LRBA: variants seen among roughly 807,000 people sequenced by gnomAD.
LRBA encodes lipopolysaccharide-responsive and beige-like anchor protein.
LRBA carries 176 observed loss-of-function variants against 330.0 expected under a neutral mutation model. The ratio of observed to expected loss-of-function variants is 0.53; its 90% CI spans 0.47 to 0.60. The LOEUF is 0.60. Among genes scored for constraint, LRBA ranks in the 20% least tolerant of loss-of-function variants. The pLI is 0.00. For synonymous variants in LRBA, 1,230 were observed against 1,193.0 expected, an observed-to-expected ratio of 1.03 and a Z score of -0.64; for missense variants, 3,259 against 3,444.8, an observed-to-expected ratio of 0.95 and a Z score of 1.35.
intron 43 of LRBA, 94 bp downstream of exon 43, chr4:150,471,530 A>C: frequency 2.4e-5 from 17 of 694,050 alleles, no homozygotes; most frequent in Non-Finnish European, 3.1e-5. Flanking sequence ...TAACGGCAAT[A>C]AAACAAGCTA....
chr4:150,642,902 GA>G (rs1466421072), intron 37 of LRBA, among the ~76,000 whole-genome samples: 1 of 151,804 alleles, frequency 6.6e-6, no homozygotes, highest in Non-Finnish European at 1.5e-5. Context: ...TAAAGCATTG[GA>G]ATAGAAAAAT....
intron 37 of LRBA, among the ~76,000 whole-genome samples, chr4:150,680,244 CT>C (rs1177254896): frequency 1.3e-5 from 2 of 152,144 alleles, no homozygotes; most frequent in African/African-American, 4.8e-5. Context: ...TTCCTGAAAT[CT>C]CTAAGCATTT....
At chr4:150,338,966 TACACACACAC>T (rs200463218) in intron 48 of LRBA, among the ~76,000 whole-genome samples, 47 of 148,730 alleles carry the variant, frequency 3.2e-4, no homozygotes, top group South Asian at 8.6e-4. Context: ...TATTTAATTA[TACACACACAC>T]ACACACACAC....
chr4:150,670,276 AGAGC>A (rs1399216621), intron 37 of LRBA, among the ~76,000 whole-genome samples: 10 of 152,240 alleles, frequency 6.6e-5, no homozygotes, highest in African/African-American at 2.2e-4. Context: ...ACTGTAAAGA[AGAGC>A]TGTCTCTTAC....
intron 2 of LRBA, among the ~76,000 whole-genome samples, chr4:151,009,706 C>T (rs1028689391): frequency 6.6e-5 from 10 of 151,636 alleles, no homozygotes; most frequent in African/African-American, 2.2e-4. Context: ...CAGAGCAAGG[C>T]GCGGTGGCTC....
At chr4:150,293,806 C>T (rs1369713678) in intron 53 of LRBA, among the ~76,000 whole-genome samples, 2 of 152,140 alleles carry the variant, frequency 1.3e-5, no homozygotes, top group Non-Finnish European at 1.5e-5. Context: ...CAAGACCAGC[C>T]CTCTGCTTCC....
chr4:150,346,335 G>C (rs1054817328), intron 48 of LRBA, among the ~76,000 whole-genome samples: 2 of 151,838 alleles, frequency 1.3e-5, no homozygotes, highest in African/African-American at 4.8e-5. Flanking sequence ...TGTGATGTGT[G>C]GAAGACTATC....
intron 53 of LRBA, among the ~76,000 whole-genome samples, chr4:150,286,518 T>C (rs1748143681): frequency 6.6e-6 from 1 of 152,074 alleles, no homozygotes; most frequent in African/African-American, 2.4e-5. Context: ...CTCTCTTAAA[T>C]ATGTATTCTC....
intron 44 of LRBA, among the ~76,000 whole-genome samples, chr4:150,446,479 C>T (rs374078700): frequency 3.9e-5 from 6 of 152,170 alleles, no homozygotes; most frequent in Admixed American, 1.3e-4. Context: ...ATGTTGATAA[C>T]GCTTTTGGAG....
chr4:150,446,521 A>T (rs1752636424), intron 44 of LRBA, among the ~76,000 whole-genome samples: 1 of 152,250 alleles, frequency 6.6e-6, no homozygotes. Context: ...ACTGACAGGC[A>T]GTTACATTGC....
At chr4:150,644,993 T>C (rs1778995398) in intron 37 of LRBA, among the ~76,000 whole-genome samples, 1 of 151,866 alleles carries the variant, frequency 6.6e-6, no homozygotes, top group African/African-American at 2.4e-5. Flanking sequence ...AGGAGTGTCA[T>C]GGTGAACTTC....
intron 2 of LRBA, among the ~76,000 whole-genome samples, chr4:151,004,880 G>A (rs1363904356): frequency 2.6e-5 from 4 of 152,156 alleles, no homozygotes; most frequent in South Asian, 2.1e-4. Flanking sequence ...CCAGCTACTC[G>A]GGAGGCTGAA....
intron 9 of LRBA, among the ~76,000 whole-genome samples, chr4:150,910,679 G>C (rs74582235): frequency 6.6e-6 from 1 of 152,046 alleles, no homozygotes; most frequent in Non-Finnish European, 1.5e-5. Flanking sequence ...ATTAATTTTA[G>C]AATTGTGCTT....
At chr4:150,789,849 T>TTC (rs1433860258) in intron 34 of LRBA, among the ~76,000 whole-genome samples, 1 of 152,162 alleles carries the variant, frequency 6.6e-6, no homozygotes, top group African/African-American at 2.4e-5. Context: ...CTGATCTGTA[T>TTC]TCTTTTTTTT....
chr4:150,315,521 A>G (rs1360056795), intron 51 of LRBA, 40 bp downstream of exon 51: 1 of 1,539,124 alleles, frequency 6.5e-7, no homozygotes, highest in Non-Finnish European at 9.0e-7. Flanking sequence ...GCCACCATAC[A>G]GAGCTTAATG....
intron 36 of LRBA, among the ~76,000 whole-genome samples, chr4:150,700,042 G>A (rs969989493): frequency 6.6e-6 from 1 of 152,086 alleles, no homozygotes; most frequent in African/African-American, 2.4e-5. Context: ...TTTCAGATTA[G>A]AGATATTCAA....
At position 150,265,742 on chromosome 4, in the gene LRBA, CATG is replaced by C. The variant is rs750697605; in HGVS notation, c.8536_8538del (p.His2846del). 1 of 1,613,370 alleles carries C rather than the reference CATG, an allele frequency of 6.2e-7. No homozygotes were observed. The highest frequency in any genetic ancestry group is 8.5e-7 in the Non-Finnish European group (1 of 1,179,356). On this transcript the variant is annotated inframe_deletion, in exon 57 of 57. Coordinates refer to ENST00000651943, the MANE Select transcript of LRBA (RefSeq NM_001364905.1). ...CACCATCAGTAGCGGGTTTGGTATT[CATG>C]ATGCCACCGGTTAAAGTCGTTGTAA...
At chr4:150,597,238 C>T (rs1561404475) in intron 38 of LRBA, 2 of 431,192 alleles carry the variant, frequency 4.6e-6, no homozygotes, top group Middle Eastern at 5.2e-4. Flanking sequence ...TTAATAAATT[C>T]TTTTTTGTCA....
At chr4:151,010,193 A>C (rs75387305) in intron 2 of LRBA, among the ~76,000 whole-genome samples, 7 of 151,984 alleles carry the variant, frequency 4.6e-5, no homozygotes, top group African/African-American at 1.7e-4. Flanking sequence ...TTTTTTAAAA[A>C]ATCATGAAAG....
Sources: gnomAD v4.1 joint callset for allele counts (sites outside exome capture counted in the v4.1 genomes callset) on GRCh38, gnomAD v4.1.1 for gene constraint, MANE v1.5 for transcripts, NCBI Gene and HGNC (gene_info 2026-07-23, HGNC 2026-07-21) for gene names.